The following KCNAB1 variants were observed in gnomAD, a reference collection of about 807,000 sequenced individuals.
KCNAB1 encodes the protein voltage-gated potassium channel subunit beta-1.
A neutral mutation model predicts 64.6 loss-of-function variants in KCNAB1; 35 were observed. That is an observed-to-expected ratio of 0.54 (90% confidence interval 0.41 to 0.72). KCNAB1 has a LOEUF of 0.72. Ranked by LOEUF, KCNAB1 falls within the 30% of genes least tolerant of loss-of-function variation. KCNAB1 has a pLI of 0.00. For missense variants in KCNAB1, 401 were observed against 512.9 expected, an observed-to-expected ratio of 0.78 and a Z score of 2.11; for synonymous variants, 177 against 183.8, an observed-to-expected ratio of 0.96 and a Z score of 0.30.
chr3:156,230,085 C>T (rs1338157196), intron 1 of KCNAB1, among the ~76,000 whole-genome samples: 1 of 152,104 alleles, frequency 6.6e-6, no homozygotes, highest in Non-Finnish European at 1.5e-5. Context: ...TGAGGCAAAA[C>T]AATACTTAGA....
At chr3:156,218,701 G>A (rs1215285822) in intron 1 of KCNAB1, among the ~76,000 whole-genome samples, 9 of 150,092 alleles carry the variant, frequency 6.0e-5, no homozygotes, top group African/African-American at 2.2e-4. Context: ...CCTGAAGACA[G>A]ATCACATCAC....
chr3:156,480,459 T>A (rs944373687), intron 8 of KCNAB1, among the ~76,000 whole-genome samples: 3 of 151,840 alleles, frequency 2.0e-5, no homozygotes, highest in Non-Finnish European at 2.9e-5. Context: ...GACGGGTTGA[T>A]GGGTGCAGCC....
chr3:156,123,116 C>T (rs1037727075), intron 1 of KCNAB1, among the ~76,000 whole-genome samples: 19 of 152,142 alleles, frequency 1.2e-4, no homozygotes, highest in Non-Finnish European at 2.5e-4. Context: ...AATAACATGG[C>T]CCATGAGTGA....
chr3:156,210,088 T>A (rs941880834), intron 1 of KCNAB1, among the ~76,000 whole-genome samples: 1 of 152,196 alleles, frequency 6.6e-6, no homozygotes, highest in Admixed American at 6.5e-5. Flanking sequence ...CTAAGCAAAC[T>A]GTCAGACTGC....
At chr3:156,539,081 C>CT (rs1221044558), downstream of KCNAB1, 2 of 152,148 alleles carry the variant, frequency 1.3e-5, no homozygotes, top group Non-Finnish European at 2.9e-5. Context: ...TTATTATTTT[C>CT]TTTTCTCTTC....
At chr3:156,151,743 T>G (rs994030324) in intron 1 of KCNAB1, among the ~76,000 whole-genome samples, 2 of 152,202 alleles carry the variant, frequency 1.3e-5, no homozygotes, top group African/African-American at 4.8e-5. Flanking sequence ...CCAATACAAT[T>G]AACAACTTTG....
At chr3:156,186,454 C>T (rs186477843) in intron 1 of KCNAB1, among the ~76,000 whole-genome samples, 254 of 152,332 alleles carry the variant, frequency 1.7e-3, no homozygotes, top group African/African-American at 6.0e-3. Context: ...TCTCTCCAGA[C>T]ATGGCAGCCT....
At chr3:156,139,536 G>A (rs1034846201) in intron 1 of KCNAB1, among the ~76,000 whole-genome samples, 45 of 144,218 alleles carry the variant, frequency 3.1e-4, no homozygotes, top group African/African-American at 1.1e-3. Context: ...TGTCACTGGT[G>A]CAACTTTACT....
intron 1 of KCNAB1, among the ~76,000 whole-genome samples, chr3:156,278,449 T>C (rs1266562070): frequency 1.3e-5 from 2 of 152,202 alleles, no homozygotes; most frequent in Non-Finnish European, 2.9e-5. Flanking sequence ...AGTCTATTTT[T>C]TCCCCCTTTC....
intron 13 of KCNAB1, among the ~76,000 whole-genome samples, chr3:156,532,622 G>A (rs1057175580): frequency 3.9e-5 from 6 of 152,122 alleles, no homozygotes; most frequent in Admixed American, 2.6e-4. Context: ...GGAATAAATG[G>A]TATAGATCCC....
rs146434443 is a variant in KCNAB1 at position 156,182,585 on chromosome 3, C to T, written c.275+61699C>T. ...CATTTTCTTAAGAAAATCAATTTAGCCTTCTTTATATTCTACTCCTTCTTT... is the reference window on the plus strand; with the variant it reads ...CATTTTCTTAAGAAAATCAATTTAGTCTTCTTTATATTCTACTCCTTCTTT... On this transcript the variant is annotated intron_variant, in intron 1 of 13. Transcript: ENST00000490337. 5.3e-4 allele frequency among the ~76,000 whole-genome samples: 80 copies of T among 150,618 alleles called. 1 individual carries two copies. The East Asian group carries it at 0.014, about 27-fold the overall frequency.
At chr3:156,137,132 C>G (rs915374813) in intron 1 of KCNAB1, among the ~76,000 whole-genome samples, 2 of 150,788 alleles carry the variant, frequency 1.3e-5, no homozygotes, top group African/African-American at 4.9e-5. Context: ...TATCTAGGTA[C>G]TAAGTCTAGT....
At chr3:156,533,582 G>C (rs1411110870) in intron 13 of KCNAB1, among the ~76,000 whole-genome samples, 1 of 152,140 alleles carries the variant, frequency 6.6e-6, no homozygotes, top group Non-Finnish European at 1.5e-5. Context: ...TAAGAGGAGG[G>C]ACATGCTCCT....
chr3:156,306,164 A>C (rs1204278211), intron 1 of KCNAB1, among the ~76,000 whole-genome samples: 13 of 152,252 alleles, frequency 8.5e-5, no homozygotes, highest in Non-Finnish European at 1.3e-4. Flanking sequence ...TGATGTAACT[A>C]TTCCAAAACT....
intron 1 of KCNAB1, among the ~76,000 whole-genome samples, chr3:156,259,026 A>G (rs1718272724): frequency 6.6e-6 from 1 of 152,224 alleles, no homozygotes; most frequent in Admixed American, 6.5e-5. Flanking sequence ...AATGTCACTT[A>G]AAGTGTCACA....
chr3:156,332,192 T>G (rs1481217561), intron 1 of KCNAB1, among the ~76,000 whole-genome samples: 2 of 152,206 alleles, frequency 1.3e-5, no homozygotes, highest in African/African-American at 4.8e-5. Context: ...CTGGGCTTTA[T>G]GTGTTTGAAT....
chr3:156,507,583 C>T (rs959761056), intron 8 of KCNAB1, among the ~76,000 whole-genome samples: 9 of 152,210 alleles, frequency 5.9e-5, no homozygotes, highest in African/African-American at 1.9e-4. Context: ...AAGGACTGAT[C>T]AAGATTCAAG....
chr3:156,531,483 C>G lies in KCNAB1; in HGVS notation c.1156C>G (p.Leu386Val). ...CACTCCTGAACAACTCATTGAAAAC[C>G]TTGGTGCCATTCAGGCAAGTACTGC... Reference protein sequence around the residue: ...SSTPEQLIENLGAIQVLPKMT... With the variant: ...SSTPEQLIENVGAIQVLPKMT... Residue 386 changes from leucine to valine, a missense_variant, in exon 13 of 14, where the codon CTT (leucine) becomes GTT (valine). Transcript: ENST00000490337. 1 of 1,613,356 alleles carries G rather than the reference C, an allele frequency of 6.2e-7. No homozygotes were observed. Among genetic ancestry groups the G allele is most frequent in the Non-Finnish European group, 8.5e-7 (1 of 1,179,264 alleles).
intron 1 of KCNAB1, among the ~76,000 whole-genome samples, chr3:156,230,077 AG>A (rs1183169988): frequency 5.9e-5 from 9 of 152,324 alleles, no homozygotes; most frequent in African/African-American, 2.2e-4. Context: ...AAAGAGCATG[AG>A]GCAAAACAAT....
Sources: allele counts gnomAD v4.1 joint callset (sites outside exome capture counted in the v4.1 genomes callset), GRCh38; gene constraint gnomAD v4.1.1; transcripts MANE v1.5; gene names NCBI Gene and HGNC (gene_info 2026-07-23, HGNC 2026-07-21).